COXFA4L3: variants seen among roughly 807,000 people sequenced by gnomAD.
COXFA4L3 encodes cytochrome c oxidase associated subunit FA4L3.
the COXFA4L3 span, among the ~76,000 whole-genome samples, chr15:45,431,484 T>A: frequency 3.3e-5 from 5 of 152,090 alleles, no homozygotes; most frequent in Admixed American, 6.5e-5. Flanking sequence ...TTAATTAAAA[T>A]TTTAAATTTT....
At chr15:45,432,588 A>G in the COXFA4L3 span, among the ~76,000 whole-genome samples, 2 of 152,146 alleles carry the variant, frequency 1.3e-5, no homozygotes, top group South Asian at 2.1e-4. Flanking sequence ...TTGCTTGAAC[A>G]TGGGAGGCGG....
the COXFA4L3 span, chr15:45,430,738 G>T: frequency 6.4e-7 from 1 of 1,552,150 alleles, no homozygotes; most frequent in African/African-American, 1.4e-5. Flanking sequence ...GCGCCCACCA[G>T]GCGATCAATA....
the COXFA4L3 span, chr15:45,432,054 G>A: frequency 1.2e-6 from 2 of 1,609,438 alleles, no homozygotes; most frequent in Non-Finnish European, 1.7e-6. Context: ...ATGTTTAATT[G>A]GCTTTCTTTA....
the COXFA4L3 span, chr15:45,432,868 G>A: frequency 1.7e-6 from 2 of 1,210,406 alleles, no homozygotes; most frequent in Non-Finnish European, 2.4e-6. Context: ...GGGGAGTGTG[G>A]ACAAATCCGA....
At chr15:45,433,118 T>C in the COXFA4L3 span, 2 of 1,224,302 alleles carry the variant, frequency 1.6e-6, no homozygotes, top group Non-Finnish European at 2.4e-6. Context: ...ATGCTTCTGC[T>C]ACATTTTTAG....
At chr15:45,431,399 G>GTTTT in the COXFA4L3 span, 3 of 184,634 alleles carry the variant, frequency 1.6e-5, no homozygotes, top group Admixed American at 6.4e-5. Context: ...AGTAAAGCTT[G>GTTTT]TTTTTTTTTT....
At chr15:45,432,967 A>T in the COXFA4L3 span, 1 of 1,613,862 alleles carries the variant, frequency 6.2e-7, no homozygotes, top group Non-Finnish European at 8.5e-7. Context: ...ATCAACCAAC[A>T]ATGGAAACCC....
the COXFA4L3 span, chr15:45,433,088 C>T: frequency 2.1e-6 from 3 of 1,417,114 alleles, no homozygotes; most frequent in Non-Finnish European, 3.0e-6. Flanking sequence ...AAACTAGATT[C>T]TGGACACCAG....
At chr15:45,430,862 A>G in the COXFA4L3 span, 18 of 1,596,402 alleles carry the variant, frequency 1.1e-5, no homozygotes, top group Non-Finnish European at 1.5e-5. Context: ...GAAAATCTTG[A>G]CTAAAGTTTT....
the COXFA4L3 span, chr15:45,430,615 C>G: frequency 1.6e-6 from 1 of 616,494 alleles, no homozygotes; most frequent in Non-Finnish European, 2.9e-6. Context: ...CCGTTCGGTT[C>G]CGGGCGTTAC....
the COXFA4L3 span, chr15:45,433,061 T>C: frequency 1.9e-6 from 3 of 1,545,098 alleles, no homozygotes; most frequent in Non-Finnish European, 2.7e-6. Flanking sequence ...ATAAATCTAG[T>C]GGAAACATTT....
At chr15:45,433,104 G>A in the COXFA4L3 span, 21 of 1,306,852 alleles carry the variant, frequency 1.6e-5, no homozygotes, top group Non-Finnish European at 2.1e-5. Flanking sequence ...ACCAGTGTGC[G>A]GAAATGCTTC....
the COXFA4L3 span, chr15:45,430,980 C>T: frequency 6.2e-7 from 1 of 1,610,314 alleles, no homozygotes; most frequent in East Asian, 2.2e-5. Flanking sequence ...AAATGTGTCC[C>T]CTCCACCTGT....
At chr15:45,432,875 C>A in the COXFA4L3 span, 1 of 1,304,934 alleles carries the variant, frequency 7.7e-7, no homozygotes, top group Non-Finnish European at 1.1e-6. Context: ...GTGGACAAAT[C>A]CGAAAGAGGG....
At chr15:45,430,968 C>T in the COXFA4L3 span, 1 of 1,602,896 alleles carries the variant, frequency 6.2e-7, no homozygotes, top group East Asian at 2.2e-5. Context: ...ATTGAAGTGT[C>T]CAAATGTGTC....
the COXFA4L3 span, chr15:45,431,933 C>G: frequency 2.9e-6 from 2 of 686,930 alleles, no homozygotes; most frequent in African/African-American, 1.8e-5. Flanking sequence ...ATTTTAGTTG[C>G]TACTGATGGT....
chr15:45,430,727 G>T, the COXFA4L3 span: 1 of 1,487,570 alleles, frequency 6.7e-7, no homozygotes, highest in Non-Finnish European at 9.3e-7. Context: ...TGGACGGTTT[G>T]GCGCCCACCA....
the COXFA4L3 span, chr15:45,432,857 AG>A: frequency 1.0e-6 from 1 of 999,418 alleles, no homozygotes; most frequent in Non-Finnish European, 1.5e-6. Context: ...CTTTTTCTAA[AG>A]GGGAGTGTGG....
chr15:45,430,668 T>C, the COXFA4L3 span: 1 of 802,464 alleles, frequency 1.2e-6, no homozygotes, highest in Non-Finnish European at 2.0e-6. Flanking sequence ...GAGTCTCCCA[T>C]CTGCAGAGAC....
Sources: allele counts gnomAD v4.1 joint callset (sites outside exome capture counted in the v4.1 genomes callset), GRCh38; gene constraint gnomAD v4.1.1; transcripts MANE v1.5; gene names NCBI Gene and HGNC (gene_info 2026-07-23, HGNC 2026-07-21).